The following NBEA variants were observed in gnomAD, a reference collection of about 807,000 sequenced individuals.
NBEA encodes lysosomal-trafficking regulator 2.
A neutral mutation model predicts 343.4 loss-of-function variants in NBEA; 44 were observed. The observed-to-expected ratio is 0.13, with a 90% CI of 0.10 to 0.16. The LOEUF is 0.16. Among genes scored for constraint, NBEA ranks in the 10% least tolerant of loss-of-function variants. NBEA has a pLI of 1.00. For missense variants in NBEA, 2,555 were observed against 3,631.3 expected, an observed-to-expected ratio of 0.70 and a Z score of 7.62; for synonymous variants, 1,175 against 1,238.7, an observed-to-expected ratio of 0.95 and a Z score of 1.08.
chr13:35,430,968 C>A (rs2045068191), intron 38 of NBEA, among the ~76,000 whole-genome samples: 1 of 151,864 alleles, frequency 6.6e-6, no homozygotes, highest in Non-Finnish European at 1.5e-5. Context: ...AATTTTAGTT[C>A]TTTTTATATG....
At chr13:35,551,985 A>T (rs777297607) in intron 43 of NBEA, among the ~76,000 whole-genome samples, 1 of 152,208 alleles carries the variant, frequency 6.6e-6, no homozygotes, top group Non-Finnish European at 1.5e-5. Context: ...GGCTTAGCCC[A>T]ATCATTCCCT....
Position 35,667,366 on chromosome 13 carries a change from C to T in NBEA, c.8465-8C>T, listed in dbSNP as rs749444204. ...ACTGACCCTGGCATTGATGTCCCCA[C>T]TTTGCAGAGGGCCCTTGCCTTGTCC... On this transcript the variant is annotated splice_polypyrimidine_tract_variant and splice_region_variant and intron_variant, in intron 56 of 58. Coordinates refer to ENST00000379939, the MANE Select transcript of NBEA (RefSeq NM_001385012.1). 3 of 1,612,462 alleles carry T rather than the reference C, an allele frequency of 1.9e-6. No homozygotes were observed. The highest frequency in any genetic ancestry group is 3.3e-5 in the Admixed American group (2 of 59,868).
rs575228184 is a variant in NBEA, at chr13:35,411,496, G to A, written c.6180-20773G>A. 1.7e-4 allele frequency among the ~76,000 whole-genome samples: 26 copies of A among 148,696 alleles called. No individual in the cohort carries two copies. In the East Asian group the frequency reaches 5.0e-3, roughly 28 times the overall value. On this transcript the variant is annotated intron_variant, in intron 38 of 58. Coordinates refer to ENST00000379939, the MANE Select transcript of NBEA (RefSeq NM_001385012.1). ...TTTTGAGACAGAGTTGTACTCTGTT[G>A]CCCAGGCTGGAGTGCAGTGGTGCAA...
At chr13:35,484,531 CG>C (rs1439184189) in intron 41 of NBEA, among the ~76,000 whole-genome samples, 1 of 151,678 alleles carries the variant, frequency 6.6e-6, no homozygotes, top group African/African-American at 2.4e-5. Flanking sequence ...AATTTAGCCA[CG>C]GGCATCTGTA....
chr13:35,665,577 G>A (rs866989033), intron 56 of NBEA, among the ~76,000 whole-genome samples: 2 of 152,142 alleles, frequency 1.3e-5, no homozygotes, highest in Non-Finnish European at 2.9e-5. Flanking sequence ...AAGGCCAGGG[G>A]CTGTGTAGAG....
intron 33 of NBEA, among the ~76,000 whole-genome samples, chr13:35,226,657 G>A (rs2074667644): frequency 6.8e-6 from 1 of 147,982 alleles, no homozygotes; most frequent in African/African-American, 2.5e-5. Context: ...TTAAGTGATT[G>A]ACTGGAAACA....
intron 17 of NBEA, among the ~76,000 whole-genome samples, chr13:35,126,121 G>C (rs1054359131): frequency 1.3e-5 from 2 of 152,160 alleles, no homozygotes; most frequent in African/African-American, 4.8e-5. Context: ...TTGGATCATG[G>C]GGGCAGTTCC....
intron 36 of NBEA, among the ~76,000 whole-genome samples, chr13:35,332,919 T>G (rs1197061930): frequency 6.6e-5 from 10 of 151,966 alleles, no homozygotes; most frequent in Admixed American, 6.6e-4. Flanking sequence ...CACTATAAAT[T>G]AGTGCCCCAA....
chr13:35,335,490 C>A (rs531842955), intron 36 of NBEA, among the ~76,000 whole-genome samples: 1 of 148,180 alleles, frequency 6.7e-6, no homozygotes, highest in African/African-American at 2.4e-5. Flanking sequence ...GAATATCATT[C>A]CATTTTTTGA....
At position 35,112,788 on chromosome 13, in the gene NBEA, C is replaced by T. The variant is rs189809505; in HGVS notation, c.2002+1810C>T. 1.5e-3 allele frequency among the ~76,000 whole-genome samples: 225 copies of T among 152,198 alleles called. 1 individual carries two copies. The highest frequency in any genetic ancestry group is 5.0e-3 in the African/African-American group (206 of 41,544). On this transcript the variant is annotated intron_variant, in intron 13 of 58. Coordinates refer to ENST00000379939, the MANE Select transcript of NBEA (RefSeq NM_001385012.1). ...ATAAACACACCTACAGATATATACA[C>T]ATTTTTTTTCTGATTCGATTGGTAA...
At chr13:35,486,766 T>C (rs1291696607) in intron 41 of NBEA, among the ~76,000 whole-genome samples, 1 of 152,048 alleles carries the variant, frequency 6.6e-6, no homozygotes, top group East Asian at 1.9e-4. Flanking sequence ...TGCTTTTAAA[T>C]AGGTAAATAC....
At chr13:35,446,897 A>G (rs1380251411) in intron 39 of NBEA, among the ~76,000 whole-genome samples, 1 of 152,078 alleles carries the variant, frequency 6.6e-6, no homozygotes, top group Non-Finnish European at 1.5e-5. Context: ...ATAATAGCAT[A>G]AGCTGGTGAA....
chr13:35,343,144 T>C (rs1256711985), intron 36 of NBEA, among the ~76,000 whole-genome samples: 1 of 152,126 alleles, frequency 6.6e-6, no homozygotes, highest in African/African-American at 2.4e-5. Flanking sequence ...GAAAAATTGT[T>C]AGTGAAGAAC....
intron 34 of NBEA, among the ~76,000 whole-genome samples, chr13:35,288,520 T>A (rs1386113835): frequency 6.6e-6 from 1 of 151,926 alleles, no homozygotes; most frequent in Non-Finnish European, 1.5e-5. Flanking sequence ...TGTGTCAATT[T>A]TTTGCCATTC....
chr13:35,004,768 A>C (rs1230354876), intron 1 of NBEA, among the ~76,000 whole-genome samples: 1 of 152,212 alleles, frequency 6.6e-6, no homozygotes, highest in East Asian at 1.9e-4. Flanking sequence ...TATCTGGTTA[A>C]AGATCCAAAA....
At chr13:35,384,452 T>C (rs1243842197) in intron 38 of NBEA, among the ~76,000 whole-genome samples, 1 of 152,018 alleles carries the variant, frequency 6.6e-6, no homozygotes, top group Non-Finnish European at 1.5e-5. Context: ...GTCAAAGCTG[T>C]CTTACTTAGG....
At chr13:35,209,431 C>G (rs2152751305) in intron 32 of NBEA, among the ~76,000 whole-genome samples, 1 of 152,096 alleles carries the variant, frequency 6.6e-6, no homozygotes. Context: ...CATTGCCCAA[C>G]AAATTCCTAA....
chr13:35,130,755 T>C (rs2067376620), intron 17 of NBEA, among the ~76,000 whole-genome samples: 1 of 151,776 alleles, frequency 6.6e-6, no homozygotes, highest in South Asian at 2.1e-4. Flanking sequence ...AATGAGACCA[T>C]AAAGTAGGCT....
intron 41 of NBEA, among the ~76,000 whole-genome samples, chr13:35,547,075 C>T (rs897286638): frequency 1.3e-5 from 2 of 152,106 alleles, no homozygotes; most frequent in African/African-American, 4.8e-5. Context: ...TTCATCAGCC[C>T]TTTTAGGATT....
Sources: allele counts gnomAD v4.1 joint callset (sites outside exome capture counted in the v4.1 genomes callset), GRCh38; gene constraint gnomAD v4.1.1; transcripts MANE v1.5; gene names NCBI Gene and HGNC (gene_info 2026-07-23, HGNC 2026-07-21).